Variants in CPSF3 observed in about 807,000 individuals in gnomAD.
The protein encoded by CPSF3 is cleavage and polyadenylation specificity factor subunit 3.
A neutral mutation model predicts 84.1 loss-of-function variants in CPSF3; 57 were observed. The observed-to-expected ratio is 0.68, with a 90% CI of 0.55 to 0.85. The LOEUF is 0.85. Among genes scored for constraint, CPSF3 ranks in the 40% least tolerant of loss-of-function variants. The pLI is 0.00. For missense variants in CPSF3, 522 were observed against 838.8 expected (o/e 0.62, Z 4.66); for synonymous variants, 275 against 278.1 (o/e 0.99, Z 0.11).
chr2:9,471,618 T>C (rs1682167338), intron 17 of CPSF3, among the ~76,000 whole-genome samples, 179 bp downstream of exon 17: 1 of 152,178 alleles, frequency 6.6e-6, no homozygotes, highest in African/African-American at 2.4e-5. Context: ...TTCCGTGTTT[T>C]TCCGGGTTAC....
chr2:9,448,157 A>C (rs749099276), intron 10 of CPSF3, 41 bp from the exon 11 acceptor site: 2 of 1,221,296 alleles, frequency 1.6e-6, no homozygotes, highest in African/African-American at 3.1e-5. Context: ...ATTAAGCTGA[A>C]TGATGTTTCC....
rs1300633534 is a variant in CPSF3, at chr2:9,440,611, G to T, written c.881G>T (p.Arg294Leu). The T allele has an allele frequency of 6.2e-7, 1 of 1,614,108 alleles. No homozygotes were observed. Among genetic ancestry groups the T allele is most frequent in the Admixed American group, 1.7e-5 (1 of 60,002 alleles). ...TYVNAMNDKIRKQININNPFV... is the reference protein window; with the variant it reads ...TYVNAMNDKILKQININNPFV... ...GTAAATGCCATGAATGACAAAATCCGCAAACAGATCAACATCAATAATCCC... is the reference window on the plus strand; with the variant it reads ...GTAAATGCCATGAATGACAAAATCCTCAAACAGATCAACATCAATAATCCC... The change falls in exon 8 of 18, where the codon CGC becomes CTC. Residue 294 changes from arginine to leucine, a missense_variant. Arg to Leu is a moderately radical substitution (Grantham distance 102). Around this residue, in one of 2 missense-constraint regions of CPSF3, gnomAD observed 329 missense variants for 607.2 expected, o/e 0.54. Coordinates refer to ENST00000238112, the MANE Select transcript of CPSF3 (RefSeq NM_016207.4).
chr2:9,443,096 G>A (rs1019909589), intron 9 of CPSF3, among the ~76,000 whole-genome samples: 19 of 152,158 alleles, frequency 1.2e-4, no homozygotes, highest in Admixed American at 8.5e-4. Flanking sequence ...CCAGGAGGTC[G>A]AGGCTGCAGT....
At chr2:9,469,141 G>A (rs966568733) in intron 16 of CPSF3, among the ~76,000 whole-genome samples, 10 of 152,114 alleles carry the variant, frequency 6.6e-5, no homozygotes, top group Admixed American at 5.2e-4. Context: ...CCCACCCCTG[G>A]AGCCTCTGGT....
chr2:9,456,579 A>G (rs925306441), intron 13 of CPSF3, among the ~76,000 whole-genome samples: 1 of 152,236 alleles, frequency 6.6e-6, no homozygotes, highest in African/African-American at 2.4e-5. Flanking sequence ...TTACGAAGAC[A>G]GAAGGTAGAT....
chr2:9,445,859 C>G (rs1681110540), intron 10 of CPSF3, among the ~76,000 whole-genome samples: 1 of 152,194 alleles, frequency 6.6e-6, no homozygotes, highest in Non-Finnish European at 1.5e-5. Flanking sequence ...AATTGCAATA[C>G]TAGTAGTGTT....
At chr2:9,458,080 A>C (rs1681592173) in intron 14 of CPSF3, among the ~76,000 whole-genome samples, 1 of 152,204 alleles carries the variant, frequency 6.6e-6, no homozygotes, top group Non-Finnish European at 1.5e-5. Context: ...ATTTAAGTCT[A>C]AATTTGATTC....
At chr2:9,438,334 G>T (rs1020343186) in intron 7 of CPSF3, among the ~76,000 whole-genome samples, 1 of 151,994 alleles carries the variant, frequency 6.6e-6, no homozygotes, top group Admixed American at 6.6e-5. Flanking sequence ...TTCGTAACCT[G>T]TAAGATGAAG....
intron 5 of CPSF3, among the ~76,000 whole-genome samples, chr2:9,433,377 C>T (rs376934107): frequency 4.6e-5 from 7 of 152,198 alleles, no homozygotes; most frequent in African/African-American, 1.7e-4. Flanking sequence ...GCTGCTTATA[C>T]ATTTGGAACT....
At position 9,456,914 on chromosome 2, in the gene CPSF3, A is replaced by G; in HGVS notation, c.1604-19A>G. ...TATCAGAAAAGTATATACATCTTAT[A>G]GTTATGTCTTTCTTTCAGGTGATGT... On this transcript the variant is annotated intron_variant, in intron 13 of 17. Coordinates refer to ENST00000238112, the MANE Select transcript of CPSF3 (RefSeq NM_016207.4). The G allele has an allele frequency of 7.1e-7, 1 of 1,416,516 alleles. No individual in the cohort carries two copies. The highest frequency in any genetic ancestry group is 9.9e-7 in the Non-Finnish European group (1 of 1,014,374). The allele number at this position is 1,416,516 out of a possible 1,614,324, so 87.7% of individuals were successfully genotyped here. A position where few individuals can be genotyped will look rare whatever the true frequency, so the allele number is the denominator to read the frequency against.
intron 11 of CPSF3, among the ~76,000 whole-genome samples, chr2:9,449,233 TA>T (rs1572788753): frequency 6.6e-6 from 1 of 151,442 alleles, no homozygotes; most frequent in East Asian, 2.0e-4. Context: ...AAAAATAAAA[TA>T]AAAAAATTAG....
intron 10 of CPSF3, among the ~76,000 whole-genome samples, chr2:9,443,983 A>G (rs1235901675): frequency 6.6e-6 from 1 of 151,968 alleles, no homozygotes; most frequent in Non-Finnish European, 1.5e-5. Flanking sequence ...TCCATCTCTT[A>G]CTTACTATGT....
intron 10 of CPSF3, among the ~76,000 whole-genome samples, chr2:9,447,820 G>A (rs1475992391): frequency 6.6e-6 from 1 of 152,054 alleles, no homozygotes; most frequent in Non-Finnish European, 1.5e-5. Context: ...TTCTAAGACA[G>A]TAGGGTAGCA....
intron 1 of CPSF3, among the ~76,000 whole-genome samples, chr2:9,428,262 G>A (rs1418527316): frequency 2.6e-5 from 4 of 151,878 alleles, no homozygotes; most frequent in African/African-American, 9.7e-5. Context: ...CTCCCAAAGT[G>A]CTGGGATTAC....
At chr2:9,451,809 C>T (rs780970386) in intron 11 of CPSF3, among the ~76,000 whole-genome samples, 1 of 151,712 alleles carries the variant, frequency 6.6e-6, no homozygotes, top group Non-Finnish European at 1.5e-5. Context: ...CTCCGCCTCC[C>T]AGGTTCACGC....
chr2:9,438,083 C>T (rs1249280471), intron 7 of CPSF3, among the ~76,000 whole-genome samples: 1 of 152,246 alleles, frequency 6.6e-6, no homozygotes, highest in Admixed American at 6.5e-5. Flanking sequence ...CATCTTAGCT[C>T]ATCCTCTCTG....
chr2:9,446,900 C>T (rs1681145626), intron 10 of CPSF3, among the ~76,000 whole-genome samples: 1 of 152,150 alleles, frequency 6.6e-6, no homozygotes, highest in Non-Finnish European at 1.5e-5. Flanking sequence ...AATCGTACCA[C>T]TCTGCAAGGC....
chr2:9,468,745 A>G (rs750065454), intron 16 of CPSF3, among the ~76,000 whole-genome samples: 2 of 148,310 alleles, frequency 1.3e-5, no homozygotes, highest in East Asian at 3.9e-4. Context: ...TCCTGCCTCA[A>G]CCTCCCGAGC....
At chr2:9,427,399 G>A (rs939186982) in intron 1 of CPSF3, among the ~76,000 whole-genome samples, 1 of 152,078 alleles carries the variant, frequency 6.6e-6, no homozygotes, top group African/African-American at 2.4e-5. Flanking sequence ...GTGAAGAAGA[G>A]GATAGAAGGT....
Sources: gnomAD v4.1 joint callset for allele counts (sites outside exome capture counted in the v4.1 genomes callset) on GRCh38, gnomAD v4.1.1 for gene constraint, gnomAD v4.1.1 regional missense constraint, MANE v1.5 for transcripts, NCBI Gene and HGNC (gene_info 2026-07-23, HGNC 2026-07-21) for gene names.